The following SH3TC2 variants were observed in gnomAD, a reference collection of about 807,000 sequenced individuals.
SH3TC2 encodes SH3 domain and tetratricopeptide repeats 2.
In SH3TC2, 87 loss-of-function variants were observed where a neutral mutation model predicts 124.5. The ratio of observed to expected loss-of-function variants is 0.70; its 90% CI spans 0.59 to 0.84. SH3TC2 has a LOEUF of 0.84. Ranked by LOEUF, SH3TC2 falls within the 40% of genes least tolerant of loss-of-function variation. SH3TC2 has a pLI of 0.00. For missense variants in SH3TC2, 1,536 were observed against 1,566.4 expected (o/e 0.98, Z 0.33); for synonymous variants, 634 against 628.5 (o/e 1.01, Z -0.13).
intron 8 of SH3TC2, 77 bp from the exon 9 acceptor site, chr5:149,031,764 A>C (rs1163269864): frequency 6.3e-7 from 1 of 1,585,874 alleles, no homozygotes; most frequent in Non-Finnish European, 8.6e-7. Context: ...CCACACTAGG[A>C]TGTAGTGGAG....
intron 9 of SH3TC2, among the ~76,000 whole-genome samples, chr5:149,029,609 T>C (rs1754147898): frequency 1.3e-5 from 2 of 151,808 alleles, no homozygotes; most frequent in African/African-American, 2.4e-5. Flanking sequence ...TTAATAAGCC[T>C]GGGCAACTCA....
At chr5:149,025,629 G>A (rs1754050389) in intron 12 of SH3TC2, 2 of 152,180 alleles carry the variant, frequency 1.3e-5, no homozygotes, top group Admixed American at 1.3e-4. Flanking sequence ...GCTTGTTACA[G>A]AACAGAACTT....
At chr5:149,010,221 C>T in intron 14 of SH3TC2, 49 bp downstream of exon 14, 2 of 1,613,656 alleles carry the variant, frequency 1.2e-6, no homozygotes, top group Non-Finnish European at 1.7e-6. Flanking sequence ...TGACCCTTCC[C>T]ATGCCCGTGC....
chr5:149,042,635 T>C, intron 5 of SH3TC2, 59 bp downstream of exon 5: 2 of 1,606,652 alleles, frequency 1.2e-6, no homozygotes, highest in Admixed American at 1.7e-5. Flanking sequence ...GCTTATTTCA[T>C]GGCCTCTGGT....
intron 12 of SH3TC2, among the ~76,000 whole-genome samples, chr5:149,014,104 T>G (rs1753830435): frequency 6.6e-6 from 1 of 152,192 alleles, no homozygotes; most frequent in Non-Finnish European, 1.5e-5. Flanking sequence ...CAGAACTCCC[T>G]TCTTCTGAGT....
intron 1 of SH3TC2, among the ~76,000 whole-genome samples, chr5:149,060,605 T>C (rs905515365): frequency 2.6e-5 from 4 of 152,326 alleles, no homozygotes; most frequent in African/African-American, 9.6e-5. Context: ...TGGTGTCTGC[T>C]GTTAACTCTC....
At position 149,008,872 on chromosome 5, in the gene SH3TC2, C is replaced by T. The variant is rs778351829; in HGVS notation, c.3457G>A (p.Ala1153Thr). 19 of 1,614,042 alleles carry T rather than the reference C, an allele frequency of 1.2e-5. No individual in the cohort carries two copies. Among genetic ancestry groups the T allele is most frequent in the Non-Finnish European group, 1.5e-5 (18 of 1,180,048 alleles). The change falls in exon 15 of 17, where the codon GCC (alanine) becomes ACC (threonine). Residue 1153 changes from alanine to threonine, a missense_variant. Around this residue, in one of 3 missense-constraint regions of SH3TC2, gnomAD observed 426 missense variants for 443.5 expected, o/e 0.96. Coordinates refer to ENST00000515425, the MANE Select transcript of SH3TC2 (RefSeq NM_024577.4). ...CCACCTGTGACTGTGCTGAGCCTGG[C>T]GGCCAGGGTGGCAAATTCCAAAGCC... is the stretch of plus-strand genomic sequence containing the variant. Reference protein sequence around the residue: ...EKALEFATLAARLSTVTGDQR... With the variant: ...EKALEFATLATRLSTVTGDQR...
rs1753401829 is a variant in SH3TC2 at position 148,990,312 on chromosome 5, GT to G, written c.*14398del. 6.6e-6 allele frequency among the ~76,000 whole-genome samples: 1 copy of G among 151,966 alleles called. No individual in the cohort carries two copies. Among genetic ancestry groups the G allele is most frequent in the South Asian group, 2.1e-4 (1 of 4,816 alleles). On this transcript the variant is annotated 3_prime_UTR_variant, in exon 17 of 17. Coordinates refer to ENST00000515425, the MANE Select transcript of SH3TC2 (RefSeq NM_024577.4). ...CAGATATATGCCTCTCTGAGCCTTA[GT>G]TTCCTTAGTTTGCTGTAAATGTTCA...
chr5:149,061,553 A>C (rs1280480333), intron 1 of SH3TC2, among the ~76,000 whole-genome samples: 1 of 152,244 alleles, frequency 6.6e-6, no homozygotes, highest in Non-Finnish European at 1.5e-5. Flanking sequence ...CTCTATGAAG[A>C]AGACATAATC....
Position 148,995,700 on chromosome 5 carries a change from C to G in SH3TC2, c.*9011G>C, listed in dbSNP as rs543335345. The stretch of plus-strand genomic sequence containing the variant: ...TTTATTTTTTTATTCACCCATTCAA[C>G]AAATCTTTATTGAGAGCCTGCCATG... On this transcript the variant is annotated 3_prime_UTR_variant, in exon 17 of 17. Transcript: ENST00000515425. Among the ~76,000 whole-genome samples, 36 of 152,212 alleles carry G rather than the reference C, an allele frequency of 2.4e-4. No homozygotes were observed. Among genetic ancestry groups the G allele is most frequent in the African/African-American group, 8.7e-4 (36 of 41,534 alleles).
intron 8 of SH3TC2, among the ~76,000 whole-genome samples, chr5:149,032,053 T>C (rs1271299174): frequency 6.6e-6 from 1 of 152,182 alleles, no homozygotes; most frequent in Non-Finnish European, 1.5e-5. Flanking sequence ...AGGAATCAAT[T>C]GCCCTAAATG....
chr5:149,044,465 T>C, intron 4 of SH3TC2, 68 bp downstream of exon 4: 2 of 1,191,820 alleles, frequency 1.7e-6, no homozygotes, highest in Admixed American at 1.7e-5. Context: ...AATTCCTTCA[T>C]GTCAAGCCCT....
intron 1 of SH3TC2, among the ~76,000 whole-genome samples, chr5:149,056,907 G>GA (rs1197418620): frequency 1.3e-5 from 2 of 151,984 alleles, no homozygotes; most frequent in Middle Eastern, 3.4e-3. Context: ...AATTACCTTC[G>GA]AAAAAAATGT....
At chr5:149,025,151 G>C (rs10037784) in intron 12 of SH3TC2, among the ~76,000 whole-genome samples, 271 of 152,226 alleles carry the variant, frequency 1.8e-3, no homozygotes, top group African/African-American at 6.2e-3. Context: ...GACTCCTAGG[G>C]TGTCCTAGAA....
chr5:149,026,245 C>G (rs1236679926), intron 12 of SH3TC2: 5 of 342,800 alleles, frequency 1.5e-5, no homozygotes, highest in Non-Finnish European at 2.8e-5. Context: ...AGTGGCATTA[C>G]TGAGACCTAT....
intron 1 of SH3TC2, 124 bp from the exon 2 acceptor site, chr5:149,052,364 T>A: frequency 1.4e-6 from 1 of 730,206 alleles, no homozygotes; most frequent in Non-Finnish European, 2.5e-6. Context: ...GGAAGAATTC[T>A]AATTGTTATC....
intron 12 of SH3TC2, among the ~76,000 whole-genome samples, chr5:149,023,309 T>C (rs1047817930): frequency 2.0e-5 from 3 of 152,196 alleles, no homozygotes; most frequent in African/African-American, 4.8e-5. Context: ...AGTGATATTT[T>C]TAAACGAGAA....
At chr5:149,009,060 G>A (rs1179780823) in intron 14 of SH3TC2, 59 bp from the exon 15 acceptor site, 1 of 1,606,934 alleles carries the variant, frequency 6.2e-7, no homozygotes, top group East Asian at 2.2e-5. Context: ...GCATACCATA[G>A]CTAGGAGACT....
chr5:149,018,514 A>C (rs925102004), intron 12 of SH3TC2, among the ~76,000 whole-genome samples: 10 of 152,208 alleles, frequency 6.6e-5, no homozygotes, highest in Admixed American at 1.3e-4. Context: ...AGAGAGAAGG[A>C]GAGCCAAGCA....
Sources: gnomAD v4.1 joint callset for allele counts (sites outside exome capture counted in the v4.1 genomes callset) on GRCh38, gnomAD v4.1.1 for gene constraint, gnomAD v4.1.1 regional missense constraint, MANE v1.5 for transcripts, NCBI Gene and HGNC (gene_info 2026-07-23, HGNC 2026-07-21) for gene names.